Variants in LRRC37A2 observed in about 807,000 individuals in gnomAD.
LRRC37A2 encodes the protein leucine-rich repeat-containing protein 37A2.
LRRC37A2 carries 9 observed loss-of-function variants against 68.8 expected under a neutral mutation model. The observed-to-expected ratio is 0.13, with a 90% confidence interval of 0.08 to 0.23. LRRC37A2 has a LOEUF of 0.23. LRRC37A2 is among the 10% of genes least tolerant of loss of function. The pLI, the probability that LRRC37A2 is intolerant of heterozygous loss-of-function variation, is 1.00. For missense variants in LRRC37A2, 168 were observed against 950.4 expected (o/e 0.18, Z 10.82); for synonymous variants, 63 against 367.6 (o/e 0.17, Z 9.48).
At chr17:46,717,906 G>A in the LRRC37A2 span, among the ~76,000 whole-genome samples, 7 of 152,162 alleles carry the variant, frequency 4.6e-5, no homozygotes, top group Non-Finnish European at 1.0e-4. Flanking sequence ...TCCTGGATAT[G>A]AGCTCAGCCT....
the LRRC37A2 span, among the ~76,000 whole-genome samples, chr17:46,996,793 G>C: frequency 6.6e-6 from 1 of 152,242 alleles, no homozygotes; most frequent in African/African-American, 2.4e-5. Context: ...TGACAGGCAT[G>C]AGCCACCACA....
At chr17:46,461,119 T>C in the LRRC37A2 span, among the ~76,000 whole-genome samples, 37 of 68,126 alleles carry the variant, frequency 5.4e-4, no homozygotes, top group Non-Finnish European at 4.6e-4. Flanking sequence ...GTCTTCTCAA[T>C]AGAAATGATG....
chr17:46,768,896 G>C, the LRRC37A2 span: 1 of 1,524,868 alleles, frequency 6.6e-7, no homozygotes, highest in African/African-American at 1.4e-5. The surrounding 1 kb of genome is among the most constrained non-coding windows in gnomAD (Gnocchi z 5.0). Context: ...CTTCCCTCCA[G>C]CCTTCTCTAC....
chr17:46,545,665 TGAA>T lies in LRRC37A2; in HGVS notation c.3054-583_3054-581del, dbSNP rs551524563. On this transcript the variant is annotated intron_variant, in intron 8 of 14. Transcript: ENST00000576629. ...CATTTACTAGCTGGCATTATTTCATTGAAGAAGAACTCCTCCTCTTTCTTTTTC... is the reference window on the plus strand; with the variant it reads ...CATTTACTAGCTGGCATTATTTCATTGAAGAACTCCTCCTCTTTCTTTTTC... 4.2e-3 allele frequency among the ~76,000 whole-genome samples: 504 copies of T among 120,352 alleles called. 1 individual carries two copies. Among genetic ancestry groups the T allele is most frequent in the African/African-American group, 0.016 (398 of 24,662 alleles). 79.0% of individuals were successfully genotyped at this position (120,352 alleles called of 152,430 possible). A position where few individuals can be genotyped will look rare whatever the true frequency, so the allele number is the denominator to read the frequency against.
chr17:46,744,449 A>C, the LRRC37A2 span, among the ~76,000 whole-genome samples: 2 of 152,190 alleles, frequency 1.3e-5, no homozygotes, highest in African/African-American at 4.8e-5. Context: ...CAGGGTTTTC[A>C]ATTGTTCACA....
chr17:47,034,689 G>C, the LRRC37A2 span, among the ~76,000 whole-genome samples: 1 of 149,814 alleles, frequency 6.7e-6, no homozygotes, highest in African/African-American at 2.4e-5. Flanking sequence ...AAAGTGCTGA[G>C]ATTACAGGCT....
chr17:46,941,912 T>G, the LRRC37A2 span: 7 of 984,992 alleles, frequency 7.1e-6, no homozygotes, highest in African/African-American at 1.0e-4. Context: ...TGTGTGTATT[T>G]TGGAACCACT....
At chr17:46,895,575 A>G in the LRRC37A2 span, among the ~76,000 whole-genome samples, 1 of 152,228 alleles carries the variant, frequency 6.6e-6, no homozygotes, top group East Asian at 1.9e-4. Flanking sequence ...TGGTTCTCTC[A>G]ATAGGCCTCT....
the LRRC37A2 span, among the ~76,000 whole-genome samples, chr17:46,777,605 C>T: frequency 2.6e-5 from 4 of 152,254 alleles, no homozygotes; most frequent in African/African-American, 7.2e-5. Flanking sequence ...CACAGTTACC[C>T]GGATACTGGC....
chr17:46,986,353 G>A, the LRRC37A2 span, among the ~76,000 whole-genome samples: 4 of 152,012 alleles, frequency 2.6e-5, no homozygotes, highest in African/African-American at 7.2e-5. Flanking sequence ...GCCTGGAAAC[G>A]GGCCTGGCGC....
chr17:46,715,258 A>C, the LRRC37A2 span, among the ~76,000 whole-genome samples: 2 of 152,246 alleles, frequency 1.3e-5, no homozygotes, highest in Admixed American at 6.5e-5. Context: ...AGGTGAAACC[A>C]ATAGTATCTG....
the LRRC37A2 span, chr17:46,909,897 T>C: frequency 6.6e-6 from 1 of 152,282 alleles, no homozygotes; most frequent in East Asian, 1.9e-4. Context: ...ACTTCCTCCT[T>C]GGAGGCTTTC....
At chr17:46,807,121 G>A in the LRRC37A2 span, among the ~76,000 whole-genome samples, 4 of 152,076 alleles carry the variant, frequency 2.6e-5, no homozygotes, top group East Asian at 1.9e-4. Context: ...AGATCATGGA[G>A]GAAAAAAAAG....
chr17:46,697,205 A>C, the LRRC37A2 span, among the ~76,000 whole-genome samples: 9 of 136,516 alleles, frequency 6.6e-5, no homozygotes, highest in African/African-American at 2.6e-4. Flanking sequence ...GTGTCCAGTA[A>C]ATTATTTTTC....
the LRRC37A2 span, chr17:46,938,447 G>A: frequency 1.7e-5 from 20 of 1,170,258 alleles, no homozygotes; most frequent in African/African-American, 2.9e-4. Flanking sequence ...CGACATGAGA[G>A]TGGCTCTATT....
the LRRC37A2 span, among the ~76,000 whole-genome samples, chr17:46,612,276 C>A: frequency 1.3e-5 from 1 of 75,384 alleles, no homozygotes. Flanking sequence ...AATTGGAGCC[C>A]TCATTGCTGA....
At chr17:46,931,856 T>C in the LRRC37A2 span, 1 of 602,100 alleles carries the variant, frequency 1.7e-6, no homozygotes, top group Non-Finnish European at 3.0e-6. Context: ...GCTGCTGGAA[T>C]CTTGTGTGCT....
At chr17:46,956,043 A>C in the LRRC37A2 span, among the ~76,000 whole-genome samples, 2 of 152,188 alleles carry the variant, frequency 1.3e-5, no homozygotes, top group African/African-American at 4.8e-5. Flanking sequence ...CAAGACAGGA[A>C]GATACGGAGT....
chr17:47,045,137 T>G, the LRRC37A2 span, among the ~76,000 whole-genome samples: 4 of 127,498 alleles, frequency 3.1e-5, no homozygotes, highest in African/African-American at 1.1e-4. Flanking sequence ...GGAATAATAC[T>G]AGTCACTTGT....
Sources: gnomAD v4.1 joint callset for allele counts (sites outside exome capture counted in the v4.1 genomes callset) on GRCh38, gnomAD v4.1.1 for gene constraint, Gnocchi (gnomAD v3.1) non-coding constraint, MANE v1.5 for transcripts, NCBI Gene and HGNC (gene_info 2026-07-23, HGNC 2026-07-21) for gene names.